Variants in NDC1 observed in about 807,000 individuals in gnomAD.
NDC1 encodes the protein NDC1 transmembrane nucleoporin, also known as nucleoporin NDC1.
Under a neutral mutation model 89.8 loss-of-function variants are expected in NDC1, and 24 were observed. The ratio of observed to expected loss-of-function variants is 0.27; its 90% CI spans 0.19 to 0.38. The LOEUF is 0.38. Among genes scored for constraint, NDC1 ranks in the 10% least tolerant of loss-of-function variants. NDC1 has a pLI of 1.00. For missense variants in NDC1, 728 were observed against 797.6 expected (o/e 0.91, Z 1.05); for synonymous variants, 296 against 284.8 (o/e 1.04, Z -0.39).
chr1:53,791,765 A>G (rs759218370), intron 14 of NDC1, among the ~76,000 whole-genome samples: 65 of 152,184 alleles, frequency 4.3e-4, no homozygotes, highest in Non-Finnish European at 4.9e-4. Flanking sequence ...TCTGCCACTT[A>G]CTGTCTCTGT....
At chr1:53,819,115 C>A in intron 5 of NDC1, 36 bp from the exon 6 acceptor site, 1 of 988,886 alleles carries the variant, frequency 1.0e-6, no homozygotes, top group South Asian at 1.4e-5. Context: ...ATGACACATT[C>A]AAATCAAATG....
chr1:53,828,519 A>T (rs1648950003), intron 3 of NDC1, among the ~76,000 whole-genome samples: 1 of 152,008 alleles, frequency 6.6e-6, no homozygotes, highest in South Asian at 2.1e-4. Flanking sequence ...TCATATATGG[A>T]CTACTGTAAT....
At chr1:53,805,415 A>T (rs919403195) in intron 9 of NDC1, among the ~76,000 whole-genome samples, 1 of 152,150 alleles carries the variant, frequency 6.6e-6, no homozygotes, top group African/African-American at 2.4e-5. Context: ...TATGTTTTCC[A>T]AGCTGGTCTT....
intron 16 of NDC1, 67 bp from the exon 17 acceptor site, chr1:53,772,556 G>A (rs1647124278): frequency 2.0e-6 from 3 of 1,478,072 alleles, no homozygotes; most frequent in South Asian, 2.4e-5. Context: ...AGGTGCTGTG[G>A]CTCACATGTG....
intron 16 of NDC1, 79 bp downstream of exon 16, chr1:53,787,079 T>C (rs981666659): frequency 7.5e-6 from 5 of 667,990 alleles, no homozygotes; most frequent in Non-Finnish European, 1.3e-5. Flanking sequence ...TCGATAAATG[T>C]GATATATAGG....
chr1:53,772,737 T>TAACAAAACAAAACA, intron 16 of NDC1, among the ~76,000 whole-genome samples: 1 of 136,578 alleles, frequency 7.3e-6, no homozygotes, highest in African/African-American at 2.8e-5. Flanking sequence ...AAAACAAACA[T>TAACAAAACAAAACA]AATATAACAT....
At chr1:53,785,554 AG>A (rs1204862796) in intron 16 of NDC1, among the ~76,000 whole-genome samples, 1 of 152,114 alleles carries the variant, frequency 6.6e-6, no homozygotes, top group Non-Finnish European at 1.5e-5. Flanking sequence ...AAAGAAATGG[AG>A]AAGCATATTT....
At chr1:53,801,018 A>G (rs1203790101) in intron 10 of NDC1, among the ~76,000 whole-genome samples, 170 bp from the exon 11 acceptor site, 2 of 151,840 alleles carry the variant, frequency 1.3e-5, no homozygotes, top group African/African-American at 4.8e-5. Flanking sequence ...CAGGAGTTCA[A>G]TGAATACTTG....
rs944551775 is a variant in NDC1 at position 53,789,278 on chromosome 1, C to T, written c.1636-82G>A. 5.1e-6 allele frequency: 4 copies of T among 786,602 alleles called. 1 individual carries two copies. Among genetic ancestry groups the T allele is most frequent in the Admixed American group, 2.7e-5 (1 of 37,182 alleles). 48.7% of individuals were successfully genotyped at this position (786,602 alleles called of 1,614,324 possible). A position where few individuals can be genotyped will look rare whatever the true frequency, so the allele number is the denominator to read the frequency against. ...TTCCTTTAATTAAATATGTAGACCA[C>T]AAAACAAAAAATTCACAGCTGCCTC... On this transcript the variant is annotated intron_variant, in intron 14 of 17. Transcript: ENST00000371429.
intron 6 of NDC1, among the ~76,000 whole-genome samples, chr1:53,815,132 A>G (rs1648435920): frequency 2.0e-5 from 3 of 152,192 alleles, no homozygotes; most frequent in Admixed American, 1.3e-4. Context: ...TACCAAAATC[A>G]GAAGGGACAC....
chr1:53,794,870 A>G (rs1647646273), intron 13 of NDC1, among the ~76,000 whole-genome samples: 2 of 151,952 alleles, frequency 1.3e-5, no homozygotes, highest in Non-Finnish European at 2.9e-5. Flanking sequence ...ACAGACCAAG[A>G]ACCCATCTCA....
intron 16 of NDC1, among the ~76,000 whole-genome samples, chr1:53,785,839 T>C (rs1557568972): frequency 6.6e-6 from 1 of 152,172 alleles, no homozygotes; most frequent in South Asian, 2.1e-4. Context: ...GCACCAGTTA[T>C]CATTTAAGCC....
chr1:53,829,465 T>A (rs181776221), intron 3 of NDC1, among the ~76,000 whole-genome samples: 1 of 152,224 alleles, frequency 6.6e-6, no homozygotes, highest in Non-Finnish European at 1.5e-5. Context: ...GGTTTAAGGA[T>A]CATCTCCTCA....
At chr1:53,785,107 A>T (rs1227675479) in intron 16 of NDC1, among the ~76,000 whole-genome samples, 1 of 152,188 alleles carries the variant, frequency 6.6e-6, no homozygotes, top group East Asian at 1.9e-4. Context: ...TCACTGTACT[A>T]CTAAGCCTCC....
intron 1 of NDC1, among the ~76,000 whole-genome samples, chr1:53,837,719 T>C (rs1000996100): frequency 6.6e-6 from 1 of 152,222 alleles, no homozygotes; most frequent in Admixed American, 6.5e-5. Context: ...TGTAGTACTG[T>C]TAATTCCGTA....
chr1:53,791,687 C>T (rs1482569061), intron 14 of NDC1, among the ~76,000 whole-genome samples: 1 of 152,154 alleles, frequency 6.6e-6, no homozygotes, highest in Admixed American at 6.5e-5. Context: ...AATAGACCCA[C>T]TTGCAAAACT....
At position 53,766,096 on chromosome 1, in the gene NDC1, C is replaced by T. The variant is rs907000224; in HGVS notation, c.*1874G>A. On this transcript the variant is annotated 3_prime_UTR_variant, in exon 18 of 18. Transcript: ENST00000371429. ...CACAGCACATTCTCTTAAGAGAAAACAGGAATGAACATTCTCAGAAACATT... is the reference window on the plus strand; with the variant it reads ...CACAGCACATTCTCTTAAGAGAAAATAGGAATGAACATTCTCAGAAACATT... 2 of 152,128 alleles carry T rather than the reference C, an allele frequency of 1.3e-5. No homozygotes were observed. Among genetic ancestry groups the T allele is most frequent in the Non-Finnish European group, 2.9e-5 (2 of 68,014 alleles). 9.4% of individuals were successfully genotyped at this position (152,128 alleles called of 1,614,324 possible).
chr1:53,805,685 T>C (rs963514963), intron 9 of NDC1, among the ~76,000 whole-genome samples: 2 of 152,198 alleles, frequency 1.3e-5, no homozygotes, highest in African/African-American at 4.8e-5. Context: ...TTAAGGAGAG[T>C]TCACTAAATA....
At chr1:53,781,106 T>A (rs562834854) in intron 16 of NDC1, among the ~76,000 whole-genome samples, 275 of 152,262 alleles carry the variant, frequency 1.8e-3, no homozygotes, top group African/African-American at 6.5e-3. Flanking sequence ...TCCTCCTGCC[T>A]CAGCCTCTCA....
Sources: allele counts gnomAD v4.1 joint callset (sites outside exome capture counted in the v4.1 genomes callset), GRCh38; gene constraint gnomAD v4.1.1; transcripts MANE v1.5; gene names NCBI Gene and HGNC (gene_info 2026-07-23, HGNC 2026-07-21).